Variants in RPS6KA2 observed in about 807,000 individuals in gnomAD.
RPS6KA2 encodes ribosomal protein S6 kinase alpha-2.
A neutral mutation model predicts 91.8 loss-of-function variants in RPS6KA2; 42 were observed. That is an observed-to-expected ratio of 0.46 (90% CI 0.36 to 0.59). The LOEUF (loss-of-function observed/expected upper bound fraction) is 0.59, where lower values mean the gene tolerates loss of function less well. Ranked by LOEUF, RPS6KA2 falls within the 20% of genes least tolerant of loss-of-function variation. RPS6KA2 has a pLI of 0.00. For missense variants in RPS6KA2, 798 were observed against 978.5 expected (o/e 0.82, Z 2.46); for synonymous variants, 414 against 393.6 (o/e 1.05, Z -0.61).
chr6:166,846,183 C>A (rs1478988347), intron 2 of RPS6KA2, among the ~76,000 whole-genome samples: 2 of 151,660 alleles, frequency 1.3e-5, no homozygotes, highest in Non-Finnish European at 2.9e-5. Flanking sequence ...TCTGAACAGA[C>A]CAATAACAAG....
chr6:166,717,514 C>G (rs1443714022), intron 2 of RPS6KA2, among the ~76,000 whole-genome samples: 1 of 152,176 alleles, frequency 6.6e-6, no homozygotes, highest in African/African-American at 2.4e-5. Context: ...GTGAGGAGAG[C>G]TGGGGTTCCA....
At chr6:166,470,535 A>T (rs916773570) in intron 10 of RPS6KA2, among the ~76,000 whole-genome samples, 1 of 152,170 alleles carries the variant, frequency 6.6e-6, no homozygotes, top group South Asian at 2.1e-4. Context: ...GTTGCGTACA[A>T]TCCTAAGGCC....
At chr6:166,608,714 T>C (rs1220240579) in intron 1 of RPS6KA2, among the ~76,000 whole-genome samples, 1 of 152,226 alleles carries the variant, frequency 6.6e-6, no homozygotes, top group African/African-American at 2.4e-5. Flanking sequence ...ACAAGTTTTC[T>C]ATTTCTGTTC....
chr6:166,680,630 C>T (rs7764368), intron 2 of RPS6KA2, among the ~76,000 whole-genome samples: 30,311 of 152,118 alleles, frequency 0.2, 4,183 homozygotes, highest in African/African-American at 0.4. Context: ...ACGTGCCAAC[C>T]TTATGAACTG....
intron 2 of RPS6KA2, among the ~76,000 whole-genome samples, chr6:166,747,430 C>T (rs906896979): frequency 6.6e-6 from 1 of 152,218 alleles, no homozygotes; most frequent in African/African-American, 2.4e-5. Flanking sequence ...TGGAAGACAC[C>T]TTAGAGGCTA....
intron 2 of RPS6KA2, among the ~76,000 whole-genome samples, chr6:166,709,264 T>C (rs1789777249): frequency 6.6e-6 from 1 of 152,156 alleles, no homozygotes; most frequent in Non-Finnish European, 1.5e-5. Context: ...CTTTTATTAA[T>C]GGAGGAATAA....
intron 2 of RPS6KA2, among the ~76,000 whole-genome samples, chr6:166,811,880 T>A (rs902087752): frequency 5.3e-5 from 8 of 152,222 alleles, no homozygotes; most frequent in Admixed American, 4.6e-4. Flanking sequence ...AAAATTATAT[T>A]GAACACAATA....
chr6:166,848,801 T>C (rs1780666581), intron 2 of RPS6KA2, among the ~76,000 whole-genome samples: 1 of 152,052 alleles, frequency 6.6e-6, no homozygotes, highest in South Asian at 2.1e-4. Context: ...CTGGGTACAG[T>C]GTACACTGCT....
In RPS6KA2 at chr6:166,707,883, A is replaced by G. The variant is rs115913881; in HGVS notation, c.123+150317T>C. Among the ~76,000 whole-genome samples the G allele has an allele frequency of 9.6e-3, 1,464 of 152,178 alleles. 20 individuals carry two copies. The highest frequency in any genetic ancestry group is 0.032 in the African/African-American group (1,345 of 41,494). ...CTCAGCCTCCAGAGTAGCTGGAACT[A>G]CAGGTGTGCACCACCGTGCCCAGAT... On this transcript the variant is annotated intron_variant, in intron 2 of 21. Transcript: ENST00000503859.
intron 2 of RPS6KA2, among the ~76,000 whole-genome samples, chr6:166,853,953 T>G (rs1780819392): frequency 6.6e-6 from 1 of 152,252 alleles, no homozygotes; most frequent in African/African-American, 2.4e-5. Flanking sequence ...ATTTTGCTTC[T>G]AGATTTTTCT....
At chr6:166,447,329 G>C (rs1208250889) in intron 14 of RPS6KA2, among the ~76,000 whole-genome samples, 1 of 152,168 alleles carries the variant, frequency 6.6e-6, no homozygotes, top group Non-Finnish European at 1.5e-5. Context: ...ATGTGTTCAA[G>C]ACTCTGGGCA....
chr6:166,506,503 T>C (rs538325890), intron 5 of RPS6KA2, among the ~76,000 whole-genome samples: 8 of 152,236 alleles, frequency 5.3e-5, no homozygotes, highest in African/African-American at 1.9e-4. Flanking sequence ...TCTTTGGAAA[T>C]GGCCACACAG....
intron 2 of RPS6KA2, among the ~76,000 whole-genome samples, chr6:166,829,674 G>T (rs947571220): frequency 1.6e-4 from 24 of 151,330 alleles, no homozygotes; most frequent in African/African-American, 5.8e-4. Context: ...ACTTAAACAG[G>T]TATTTGTCTA....
At chr6:166,547,967 A>C (rs1476301512) in intron 1 of RPS6KA2, among the ~76,000 whole-genome samples, 2 of 152,272 alleles carry the variant, frequency 1.3e-5, no homozygotes, top group African/African-American at 4.8e-5. Flanking sequence ...ATTTACACAT[A>C]GAAAGCTGTA....
chr6:166,615,687 A>G lies in RPS6KA2; in HGVS notation c.99+11234T>C, dbSNP rs374016213. Reference sequence around the variant, plus strand: ...GCAAGAGCTGGGTGCAGGTGCTGGAATGAGATACCGATGGTCTCCGGGACC... The same window carrying G: ...GCAAGAGCTGGGTGCAGGTGCTGGAGTGAGATACCGATGGTCTCCGGGACC... On this transcript the variant is annotated intron_variant, in intron 1 of 20. Coordinates refer to ENST00000265678, the MANE Select transcript of RPS6KA2 (RefSeq NM_021135.6). Among the ~76,000 whole-genome samples the G allele has an allele frequency of 5.1e-3, 779 of 152,320 alleles. 4 individuals are homozygous for G. Among genetic ancestry groups the G allele is most frequent in the African/African-American group, 0.017 (724 of 41,568 alleles).
intron 9 of RPS6KA2, among the ~76,000 whole-genome samples, chr6:166,489,890 C>T (rs182597402): frequency 6.1e-4 from 93 of 152,114 alleles, no homozygotes; most frequent in East Asian, 3.7e-3. Flanking sequence ...TTGGCAAGAG[C>T]AGCTCATGAG....
intron 2 of RPS6KA2, among the ~76,000 whole-genome samples, chr6:166,661,337 C>T (rs1187390314): frequency 1.3e-5 from 2 of 152,126 alleles, no homozygotes; most frequent in African/African-American, 2.4e-5. Flanking sequence ...TAAACTCAGG[C>T]GATCCGCCCG....
At chr6:166,629,614 A>T (rs1158989583), upstream of RPS6KA2, among the ~76,000 whole-genome samples, 1 of 152,230 alleles carries the variant, frequency 6.6e-6, no homozygotes, top group Non-Finnish European at 1.5e-5. Flanking sequence ...GTATAATATC[A>T]AGACCCACTG....
At position 166,448,156 on chromosome 6, in the gene RPS6KA2, G is replaced by A. The variant is rs1427768336; in HGVS notation, c.1332+568C>T. On this transcript the variant is annotated intron_variant, in intron 14 of 20. Coordinates refer to ENST00000265678, the MANE Select transcript of RPS6KA2 (RefSeq NM_021135.6). This position sits in a 1 kb window ranked among gnomAD's most constrained non-coding sequence, Gnocchi z 4.7. ...ATTGTTTCTCTATACTGTTCTTGAC[G>A]GTTGGGAGTAAAACCATTAGCTCTC... Among the ~76,000 whole-genome samples, 6 of 152,168 alleles carry A rather than the reference G, an allele frequency of 3.9e-5. No individual in the cohort carries two copies. The highest frequency in any genetic ancestry group is 7.2e-5 in the African/African-American group (3 of 41,428).
Sources: allele counts gnomAD v4.1 joint callset (sites outside exome capture counted in the v4.1 genomes callset), GRCh38; gene constraint gnomAD v4.1.1; non-coding constraint Gnocchi (gnomAD v3.1); transcripts MANE v1.5; gene names NCBI Gene and HGNC (gene_info 2026-07-23, HGNC 2026-07-21).